THSD7A: variants seen among roughly 807,000 people sequenced by gnomAD.
The protein encoded by THSD7A is thrombospondin type 1 domain containing 7A, also known as thrombospondin type-1 domain-containing protein 7A.
A neutral mutation model predicts 231.3 loss-of-function variants in THSD7A; 96 were observed. The observed-to-expected ratio is 0.41, with a 90% CI of 0.35 to 0.49. The LOEUF (loss-of-function observed/expected upper bound fraction) is 0.49, where lower values mean the gene tolerates loss of function less well. Ranked by LOEUF, THSD7A falls within the 20% of genes least tolerant of loss-of-function variation. The pLI, the probability that THSD7A is intolerant of heterozygous loss-of-function variation, is 0.05. For missense variants in THSD7A, 2,290 were observed against 2,070.2 expected, an observed-to-expected ratio of 1.11 and a Z score of -2.06; for synonymous variants, 940 against 743.3, an observed-to-expected ratio of 1.26 and a Z score of -4.30.
intron 2 of THSD7A, among the ~76,000 whole-genome samples, chr7:11,613,454 GATA>G (rs1781002326): frequency 6.6e-6 from 1 of 152,170 alleles, no homozygotes; most frequent in African/African-American, 2.4e-5. Context: ...ATAGTCATGT[GATA>G]ATAACATATG....
At chr7:11,381,378 A>T (rs1167042307) in intron 24 of THSD7A, among the ~76,000 whole-genome samples, 1 of 152,190 alleles carries the variant, frequency 6.6e-6, no homozygotes, top group African/African-American at 2.4e-5. Context: ...AAAAATTGAC[A>T]TCCTGATCCA....
chr7:11,695,566 C>T (rs1780365567), intron 1 of THSD7A, among the ~76,000 whole-genome samples: 1 of 151,290 alleles, frequency 6.6e-6, no homozygotes, highest in Non-Finnish European at 1.5e-5. Flanking sequence ...ATGGCCTGAC[C>T]AATGAAGTAT....
intron 1 of THSD7A, among the ~76,000 whole-genome samples, chr7:11,772,062 T>A (rs944183859): frequency 6.6e-6 from 1 of 152,198 alleles, no homozygotes; most frequent in East Asian, 1.9e-4. Context: ...CTAAACCTCT[T>A]TTCTTTATAA....
chr7:11,489,806 G>C (rs1179581105), intron 6 of THSD7A, among the ~76,000 whole-genome samples: 2 of 151,750 alleles, frequency 1.3e-5, no homozygotes, highest in Non-Finnish European at 2.9e-5. Context: ...ACTTTTCTTT[G>C]CTAGTTTAGC....
At chr7:11,493,239 G>C (rs888177279) in intron 6 of THSD7A, among the ~76,000 whole-genome samples, 1 of 152,052 alleles carries the variant, frequency 6.6e-6, no homozygotes, top group African/African-American at 2.4e-5. Context: ...ACAAGGCAGA[G>C]AGTTCTATAA....
At chr7:11,566,738 C>T (rs1467654444) in intron 4 of THSD7A, among the ~76,000 whole-genome samples, 1 of 152,120 alleles carries the variant, frequency 6.6e-6, no homozygotes, top group Admixed American at 6.5e-5. Context: ...TTACTTGTGC[C>T]AACATATAAG....
intron 23 of THSD7A, among the ~76,000 whole-genome samples, chr7:11,397,829 G>A (rs1783248055): frequency 6.6e-6 from 1 of 152,162 alleles, no homozygotes; most frequent in Non-Finnish European, 1.5e-5. Context: ...TTAGAGAAAT[G>A]CAAATCAAAA....
At chr7:11,427,301 A>G (rs1332770512) in intron 14 of THSD7A, among the ~76,000 whole-genome samples, 1 of 152,160 alleles carries the variant, frequency 6.6e-6, no homozygotes, top group African/African-American at 2.4e-5. Flanking sequence ...AGAAGTTTCT[A>G]TTTTTATGCA....
chr7:11,582,144 G>A (rs191339050), intron 4 of THSD7A, among the ~76,000 whole-genome samples: 9 of 151,436 alleles, frequency 5.9e-5, no homozygotes, highest in African/African-American at 1.9e-4. Context: ...TTCTTATTTA[G>A]TACTTCTATT....
rs1784624154 is a variant in THSD7A at position 11,814,587 on chromosome 7, G to T, written c.190+17170C>A. 6.6e-6 allele frequency among the ~76,000 whole-genome samples: 1 copy of T among 152,136 alleles called. No homozygotes were observed. Among genetic ancestry groups the T allele is most frequent in the African/African-American group, 2.4e-5 (1 of 41,428 alleles). ...CCAAGGTTGAAGGACCACCTTGTCT[G>T]CTTCATAGTATTTATTCTCTTCTTG... On this transcript the variant is annotated intron_variant, in intron 1 of 27. Coordinates refer to ENST00000423059, the MANE Select transcript of THSD7A (RefSeq NM_015204.3). The surrounding 1 kb of genome is among the most constrained non-coding windows in gnomAD (Gnocchi z 5.1).
intron 4 of THSD7A, among the ~76,000 whole-genome samples, chr7:11,588,324 T>C (rs1282398484): frequency 6.6e-6 from 1 of 152,150 alleles, no homozygotes; most frequent in East Asian, 1.9e-4. Context: ...CTAAATTTGG[T>C]GGAATAAATG....
Position 11,382,562 on chromosome 7 carries a change from C to A in THSD7A, c.4466G>T (p.Arg1489Leu). The change falls in exon 24 of 28, where the codon CGA (arginine) becomes CTA (leucine). Residue 1489 changes from arginine (R) to leucine (L), a missense_variant. Arg to Leu is a moderately radical substitution (Grantham distance 102, BLOSUM62 -2). Transcript: ENST00000423059. ...WMASAWKGSS[R>L]TVWCQRSDGI... is the part of the protein sequence containing the mutation. The stretch of plus-strand genomic sequence containing the variant: ...ATCTGACCTTTGACACCACACTGTT[C>A]GGGAAGAGCCCTTCCAAGCACTGGC... 6.2e-7 allele frequency: 1 copy of A among 1,612,880 alleles called. No individual in the cohort carries two copies. The highest frequency in any genetic ancestry group is 1.3e-5 in the African/African-American group (1 of 75,010).
chr7:11,689,308 C>CT (rs1459703555), intron 1 of THSD7A, among the ~76,000 whole-genome samples: 1 of 151,762 alleles, frequency 6.6e-6, no homozygotes, highest in Non-Finnish European at 1.5e-5. Flanking sequence ...CAATAAAATG[C>CT]TTTTTTCTTA....
rs186783202 is a variant in THSD7A at position 11,602,870 on chromosome 7, G to A, written c.1023-9368C>T. ...GATTCTCAGGTTTTTATGGTTTTAG[G>A]TCTAACGTTGATGGATTAAAGACTT... On this transcript the variant is annotated intron_variant, in intron 2 of 27. Transcript: ENST00000423059. Among the ~76,000 whole-genome samples the A allele has an allele frequency of 2.7e-5, 4 of 150,826 alleles. No individual in the cohort carries two copies. The East Asian group carries it at 8.0e-4, about 30-fold the overall frequency.
At chr7:11,389,706 C>A (rs1224616319) in intron 23 of THSD7A, among the ~76,000 whole-genome samples, 1 of 151,892 alleles carries the variant, frequency 6.6e-6, no homozygotes, top group African/African-American at 2.4e-5. Context: ...GATGCAGTTT[C>A]TTCATAGTGT....
At position 11,814,847 on chromosome 7, in the gene THSD7A, A is replaced by C. The variant is rs1784630900; in HGVS notation, c.190+16910T>G. 6.6e-6 allele frequency among the ~76,000 whole-genome samples: 1 copy of C among 152,150 alleles called. No individual in the cohort carries two copies. The highest frequency in any genetic ancestry group is 6.6e-5 in the Admixed American group (1 of 15,262). On this transcript the variant is annotated intron_variant, in intron 1 of 27. Transcript: ENST00000423059. This position sits in a 1 kb window ranked among gnomAD's most constrained non-coding sequence, Gnocchi z 5.1. ...AAACTCTCAAAAGAAGCTGTTTGAT[A>C]AGAGTGATTGGATCTTCTGATCTTT... is the stretch of plus-strand genomic sequence containing the variant.
At chr7:11,587,895 G>T (rs1779979805) in intron 4 of THSD7A, among the ~76,000 whole-genome samples, 2 of 152,096 alleles carry the variant, frequency 1.3e-5, no homozygotes, top group South Asian at 2.1e-4. Flanking sequence ...TTGAGTTAAA[G>T]TATTTTGTTT....
intron 10 of THSD7A, 64 bp from the exon 11 acceptor site, chr7:11,460,829 C>T: frequency 7.6e-7 from 1 of 1,313,310 alleles, no homozygotes; most frequent in Non-Finnish European, 1.1e-6. Flanking sequence ...CACAGAGACA[C>T]AGCAGCATGG....
At chr7:11,657,434 T>C (rs777719744) in intron 1 of THSD7A, among the ~76,000 whole-genome samples, 2 of 151,638 alleles carry the variant, frequency 1.3e-5, no homozygotes, top group Non-Finnish European at 2.9e-5. Flanking sequence ...ACAGGGACCC[T>C]GGAATCAGGT....
Sources: allele counts gnomAD v4.1 joint callset (sites outside exome capture counted in the v4.1 genomes callset), GRCh38; gene constraint gnomAD v4.1.1; non-coding constraint Gnocchi (gnomAD v3.1); transcripts MANE v1.5; gene names NCBI Gene and HGNC (gene_info 2026-07-23, HGNC 2026-07-21).